SLC4A7: variants seen among roughly 807,000 people sequenced by gnomAD.
SLC4A7 encodes solute carrier family 4 member 7.
A neutral mutation model predicts 137.6 loss-of-function variants in SLC4A7; 51 were observed. The observed-to-expected ratio is 0.37, with a 90% CI of 0.30 to 0.47. The LOEUF (loss-of-function observed/expected upper bound fraction) is 0.47, where lower values mean the gene tolerates loss of function less well. SLC4A7 is among the 20% of genes least tolerant of loss of function. The pLI is 1.00. For synonymous variants in SLC4A7, 542 were observed against 518.6 expected (o/e 1.05, Z -0.61); for missense variants, 1,247 against 1,525.4 (o/e 0.82, Z 3.04).
chr3:27,387,293 T>C (rs2051065622), intron 22 of SLC4A7, among the ~76,000 whole-genome samples: 2 of 152,204 alleles, frequency 1.3e-5, no homozygotes, highest in African/African-American at 2.4e-5. Flanking sequence ...GTAATTTACA[T>C]ACAGAAAAAT....
Position 27,424,031 on chromosome 3 carries a change from A to C in SLC4A7, c.1266+6T>G. On this transcript the variant is annotated splice_donor_region_variant and intron_variant, in intron 8 of 25. Transcript: ENST00000454389. ...TATGAGAATTTTCAGTTAATGATAG[A>C]ATTACCTTGCTGAAGTCAACAGTAC... 1 of 1,441,314 alleles carries C rather than the reference A, an allele frequency of 6.9e-7. No individual in the cohort carries two copies. Among genetic ancestry groups the C allele is most frequent in the Middle Eastern group, 1.7e-4 (1 of 5,718 alleles). 89.3% of individuals were successfully genotyped at this position (1,441,314 alleles called of 1,614,324 possible).
At position 27,420,793 on chromosome 3, in the gene SLC4A7, G is replaced by A; in HGVS notation, c.1425-6C>T. 1.3e-6 allele frequency: 2 copies of A among 1,597,232 alleles called. No individual in the cohort carries two copies. The highest frequency in any genetic ancestry group is 2.2e-5 in the South Asian group (2 of 90,502). ...CCAATAACAAAAACAAAAACCTAAGGAAATATGAAAATACAGATTTTAAAA... is the reference window on the plus strand; with the variant it reads ...CCAATAACAAAAACAAAAACCTAAGAAAATATGAAAATACAGATTTTAAAA... On this transcript the variant is annotated splice_polypyrimidine_tract_variant and splice_region_variant and intron_variant, in intron 9 of 25. Coordinates refer to ENST00000454389, the MANE Select transcript of SLC4A7 (RefSeq NM_001321103.2).
At chr3:27,392,226 C>T (rs1168635360) in intron 20 of SLC4A7, among the ~76,000 whole-genome samples, 3 of 152,172 alleles carry the variant, frequency 2.0e-5, no homozygotes, top group Non-Finnish European at 4.4e-5. Context: ...GAATATTAAG[C>T]AGTAGCCTTT....
At chr3:27,475,784 T>A (rs764893496) in intron 1 of SLC4A7, among the ~76,000 whole-genome samples, 6 of 152,052 alleles carry the variant, frequency 3.9e-5, no homozygotes, top group Non-Finnish European at 5.9e-5. Flanking sequence ...TTGGGAATAA[T>A]TATGAACAAA....
intron 1 of SLC4A7, among the ~76,000 whole-genome samples, chr3:27,474,143 A>T (rs2059370559): frequency 6.6e-6 from 1 of 152,178 alleles, no homozygotes; most frequent in Non-Finnish European, 1.5e-5. Context: ...ATACAGTAAG[A>T]TCTCATCAAA....
chr3:27,447,468 T>C (rs535147488), intron 3 of SLC4A7, among the ~76,000 whole-genome samples: 1 of 152,236 alleles, frequency 6.6e-6, no homozygotes, highest in East Asian at 1.9e-4. Flanking sequence ...TCACAAAAAC[T>C]TTCTTTTAGC....
At position 27,395,053 on chromosome 3, in the gene SLC4A7, T is replaced by G. The variant is rs1321947544; in HGVS notation, c.2766A>C (p.Leu922Phe). The change falls in exon 19 of 26, where the codon TTA becomes TTC. Residue 922 changes from leucine (L) to phenylalanine (F), a missense_variant. Around this residue, in one of 6 missense-constraint regions of SLC4A7, gnomAD observed 48 missense variants for 97.2 expected, o/e 0.49. Transcript: ENST00000454389. ...GCAAAGCAGGAATAGCAGCTATTAATAAGGTCCACCAAGGATTATCTCCCA... is the reference window on the plus strand; with the variant it reads ...GCAAAGCAGGAATAGCAGCTATTAAGAAGGTCCACCAAGGATTATCTCCCA... ...SPLGDNPWWT[L>F]LIAAIPALLC... The G allele has an allele frequency of 6.2e-7, 1 of 1,612,884 alleles. No homozygotes were observed.
chr3:27,471,457 T>G (rs1023676660), intron 1 of SLC4A7, among the ~76,000 whole-genome samples: 1 of 152,062 alleles, frequency 6.6e-6, no homozygotes, highest in East Asian at 1.9e-4. Context: ...CAGGCTGGAG[T>G]GCAATGGGGC....
intron 1 of SLC4A7, among the ~76,000 whole-genome samples, chr3:27,463,599 AC>A (rs1687778260): frequency 6.6e-6 from 1 of 152,116 alleles, no homozygotes; most frequent in South Asian, 2.1e-4. Flanking sequence ...TCCTAGTGAG[AC>A]AGCCAAATAA....
intron 3 of SLC4A7, among the ~76,000 whole-genome samples, chr3:27,439,389 G>A (rs2057013041): frequency 6.6e-6 from 1 of 151,994 alleles, no homozygotes; most frequent in South Asian, 2.1e-4. Flanking sequence ...AATAACCTAA[G>A]ACCTAGGCAG....
intron 1 of SLC4A7, among the ~76,000 whole-genome samples, chr3:27,463,819 A>T (rs757857949): frequency 6.6e-6 from 1 of 152,100 alleles, no homozygotes; most frequent in African/African-American, 2.4e-5. Context: ...ACTCCATCTC[A>T]CTTTGCTGTG....
intron 14 of SLC4A7, among the ~76,000 whole-genome samples, chr3:27,404,023 T>G (rs564038645): frequency 2.0e-5 from 3 of 152,322 alleles, no homozygotes; most frequent in Admixed American, 2.0e-4. Context: ...AAATATGTAA[T>G]AGCATCAAGT....
intron 5 of SLC4A7, 73 bp from the exon 6 acceptor site, chr3:27,434,177 A>G: frequency 1.9e-6 from 2 of 1,069,550 alleles, no homozygotes; most frequent in Non-Finnish European, 2.6e-6. Flanking sequence ...TGTGAGTGAA[A>G]CCTTATGACA....
At position 27,403,351 on chromosome 3, in the gene SLC4A7, G is replaced by T; in HGVS notation, c.2109C>A (p.Thr703=). The stretch of plus-strand genomic sequence containing the variant: ...AAAAAGAAGTCCACAGACCAATACT[G>T]GTTCTTAAAGACAGATAAGAAAGTT... ...DYQLSYLSLR[T]SIGLWTSFLC... is the part of the protein sequence containing the mutation. Residue 703 remains threonine, a synonymous_variant, in exon 15 of 26, where the codon ACC becomes ACA. Transcript: ENST00000454389. 1 of 1,599,612 alleles carries T rather than the reference G, an allele frequency of 6.3e-7. No homozygotes were observed. The highest frequency in any genetic ancestry group is 8.5e-7 in the Non-Finnish European group (1 of 1,171,678).
intron 3 of SLC4A7, among the ~76,000 whole-genome samples, chr3:27,443,974 G>A (rs1207534264): frequency 6.6e-6 from 1 of 152,114 alleles, no homozygotes; most frequent in East Asian, 1.9e-4. Flanking sequence ...AAATTATACT[G>A]AGACTTGTTT....
At chr3:27,442,638 T>C (rs1430744926) in intron 3 of SLC4A7, among the ~76,000 whole-genome samples, 3 of 152,092 alleles carry the variant, frequency 2.0e-5, no homozygotes, top group Non-Finnish European at 4.4e-5. Context: ...CTTAAACCCC[T>C]GAGCTCAAGC....
intron 11 of SLC4A7, among the ~76,000 whole-genome samples, chr3:27,418,230 A>G (rs1226245352): frequency 1.3e-5 from 2 of 152,212 alleles, no homozygotes; most frequent in East Asian, 1.9e-4. Flanking sequence ...ACAGAACGGT[A>G]TATGCAATAC....
rs1166100722 is a variant in SLC4A7, at chr3:27,376,805, C to T, written c.3739G>A (p.Glu1247Lys). ...GCATCCACGTATTTCTTTCTTGGTT[C>T]ATCTTCAAAACTTATTTTCACACTC... ...PVSVKISFED[E>K]PRKKYVDAET... is the part of the protein sequence containing the mutation. The change falls in exon 26 of 26, where the codon GAA becomes AAA. Residue 1247 changes from glutamate to lysine, a missense_variant. Transcript: ENST00000454389. The T allele has an allele frequency of 6.3e-7, 1 of 1,599,686 alleles. No individual in the cohort carries two copies. The highest frequency in any genetic ancestry group is 1.3e-5 in the African/African-American group (1 of 74,486).
chr3:27,427,415 C>G (rs2055755176), intron 7 of SLC4A7, among the ~76,000 whole-genome samples: 1 of 151,856 alleles, frequency 6.6e-6, no homozygotes, highest in Non-Finnish European at 1.5e-5. Flanking sequence ...GCTGAGATTA[C>G]AGGCATGAGC....
Sources: gnomAD v4.1 joint callset for allele counts (sites outside exome capture counted in the v4.1 genomes callset) on GRCh38, gnomAD v4.1.1 for gene constraint, gnomAD v4.1.1 regional missense constraint, MANE v1.5 for transcripts, NCBI Gene and HGNC (gene_info 2026-07-23, HGNC 2026-07-21) for gene names.